The following TUBG1 variants were observed in gnomAD, a reference collection of about 807,000 sequenced individuals.
TUBG1 encodes tubulin gamma 1.
Under a neutral mutation model 53.3 loss-of-function variants are expected in TUBG1, and 22 were observed. The observed-to-expected ratio is 0.41, with a 90% CI of 0.29 to 0.59. The LOEUF is 0.59. Among genes scored for constraint, TUBG1 ranks in the 20% least tolerant of loss-of-function variants. The pLI, the probability that TUBG1 is intolerant of heterozygous loss-of-function variation, is 0.26. For missense variants in TUBG1, 217 were observed against 598.9 expected, an observed-to-expected ratio of 0.36 and a Z score of 6.66; for synonymous variants, 198 against 236.7, an observed-to-expected ratio of 0.84 and a Z score of 1.50.
intron 4 of TUBG1, 68 bp from the exon 5 acceptor site, chr17:42,612,357 CTA>C: frequency 6.4e-7 from 1 of 1,554,210 alleles, no homozygotes; most frequent in Non-Finnish European, 8.8e-7. Flanking sequence ...TCCTAAAAAA[CTA>C]TGAGATGGGT....
intron 3 of TUBG1, 112 bp from the exon 4 acceptor site, chr17:42,611,963 T>G: frequency 1.1e-6 from 1 of 891,950 alleles, no homozygotes; most frequent in South Asian, 1.5e-5. Flanking sequence ...CAGGTAGCTA[T>G]GCTCCATAAA....
chr17:42,610,727 G>A, intron 3 of TUBG1, 137 bp downstream of exon 3: 1 of 1,287,988 alleles, frequency 7.8e-7, no homozygotes, highest in Non-Finnish European at 1.1e-6. Context: ...AGTGGACTAT[G>A]TAATATTGTC....
At chr17:42,610,745 T>C in intron 3 of TUBG1, 155 bp downstream of exon 3, 2 of 1,059,170 alleles carry the variant, frequency 1.9e-6, no homozygotes, top group Admixed American at 5.5e-5. Flanking sequence ...GTCAAGCGCC[T>C]ACACTAGCTA....
In TUBG1 at chr17:42,613,944, C is replaced by A. The variant is rs1441154716; in HGVS notation, c.789C>A (p.Thr263=). Residue 263 remains threonine, a synonymous_variant, in exon 8 of 11, where the codon ACC becomes ACA. Transcript: ENST00000251413. The part of the protein sequence containing the change: ...LIGLIASLIP[T]PRLHFLMTGY... ...GCCTCATCGCCTCGCTCATTCCCAC[C>A]CCACGGCTCCACTTCCTCATGACCG... The A allele has an allele frequency of 6.2e-7, 1 of 1,614,096 alleles. No individual in the cohort carries two copies. The highest frequency in any genetic ancestry group is 8.5e-7 in the Non-Finnish European group (1 of 1,180,046).
Position 42,614,689 on chromosome 17 carries a change from G to A in TUBG1, c.1158+32G>A, listed in dbSNP as rs2052063170. On this transcript the variant is annotated intron_variant, in intron 10 of 10. Transcript: ENST00000251413. The surrounding 1 kb of genome is among the most constrained non-coding windows in gnomAD (Gnocchi z 5.1). Reference sequence around the variant, plus strand: ...CTCAAAGTTTGCACCTTTTTTCCCTGAATCAGTTTCCTGACTATACCTCAC... The same window carrying A: ...CTCAAAGTTTGCACCTTTTTTCCCTAAATCAGTTTCCTGACTATACCTCAC... The A allele has an allele frequency of 6.2e-7, 1 of 1,612,238 alleles. No individual in the cohort carries two copies. Among genetic ancestry groups the A allele is most frequent in the Non-Finnish European group, 8.5e-7 (1 of 1,178,854 alleles).
chr17:42,609,705 G>T lies in TUBG1; in HGVS notation c.-33G>T, dbSNP rs1375716161. The stretch of plus-strand genomic sequence containing the variant: ...GCTGGCGTGCGGCGCCGTTGCGGGC[G>T]GGAGCGGCTGCAACGCCGGTGCCTG... On this transcript the variant is annotated 5_prime_UTR_variant, in exon 1 of 11. Coordinates refer to ENST00000251413, the MANE Select transcript of TUBG1 (RefSeq NM_001070.5). The T allele has an allele frequency of 2.6e-6, 4 of 1,541,010 alleles. No homozygotes were observed. The Admixed American group carries it at 8.2e-5, about 32-fold the overall frequency.
rs2052057105 is a variant in TUBG1 at position 42,614,055 on chromosome 17, T to C, written c.843+57T>C. 10 of 1,611,112 alleles carry C rather than the reference T, an allele frequency of 6.2e-6. 1 individual carries two copies. The highest frequency in any genetic ancestry group is 4.4e-5 in the South Asian group (4 of 90,864). On this transcript the variant is annotated intron_variant, in intron 8 of 10. Transcript: ENST00000251413. This position sits in a 1 kb window ranked among gnomAD's most constrained non-coding sequence, Gnocchi z 5.1. ...CCGGCCCTGGGCCCAACAGGCCCTG[T>C]CCTAGCCTTTCTCTCTTCCCCACTG... is the stretch of plus-strand genomic sequence containing the variant.
chr17:42,612,364 A>G (rs765382973), intron 4 of TUBG1, 63 bp from the exon 5 acceptor site: 12 of 1,562,434 alleles, frequency 7.7e-6, no homozygotes, highest in Non-Finnish European at 8.8e-6. Context: ...AAACTATGAG[A>G]TGGGTCTAGT....
chr17:42,611,211 C>G (rs556199075), intron 3 of TUBG1: 1 of 152,378 alleles, frequency 6.6e-6, no homozygotes, highest in Non-Finnish European at 1.5e-5. Flanking sequence ...ACCTCGTGAT[C>G]CACCTGCCTC....
Position 42,609,705 on chromosome 17 carries a change from G to C in TUBG1, c.-33G>C, listed in dbSNP as rs1375716161. 1 of 1,541,128 alleles carries C rather than the reference G, an allele frequency of 6.5e-7. No homozygotes were observed. ...GCTGGCGTGCGGCGCCGTTGCGGGC[G>C]GGAGCGGCTGCAACGCCGGTGCCTG... On this transcript the variant is annotated 5_prime_UTR_variant, in exon 1 of 11. Coordinates refer to ENST00000251413, the MANE Select transcript of TUBG1 (RefSeq NM_001070.5).
rs2052060237 is a variant in TUBG1 at position 42,614,382 on chromosome 17, C to T, written c.966C>T (p.Asn322=). The T allele has an allele frequency of 6.2e-7, 1 of 1,613,876 alleles. No homozygotes were observed. The highest frequency in any genetic ancestry group is 1.7e-5 in the Admixed American group (1 of 59,992). ...QTNHCYIAIL[N]IIQGEVDPTQ... ...ACCACTGCTACATCGCCATCCTCAACATCATCCAGGGAGAGGTGGACCCCA... is the reference window on the plus strand; with the variant it reads ...ACCACTGCTACATCGCCATCCTCAATATCATCCAGGGAGAGGTGGACCCCA... Residue 322 remains asparagine, a synonymous_variant, in exon 9 of 11, where the codon AAC becomes AAT. Transcript: ENST00000251413. This position sits in a 1 kb window ranked among gnomAD's most constrained non-coding sequence, Gnocchi z 5.1.
intron 1 of TUBG1, 73 bp downstream of exon 1, chr17:42,609,859 C>T (rs2052017372): frequency 2.7e-6 from 4 of 1,506,692 alleles, no homozygotes; most frequent in African/African-American, 1.4e-5. Context: ...GGATCCTGGA[C>T]TCCATCTGTC....
Position 42,613,644 on chromosome 17 carries a change from C to G in TUBG1, c.607-3C>G, listed in dbSNP as rs1176358376. 3 of 1,614,124 alleles carry G rather than the reference C, an allele frequency of 1.9e-6. No homozygotes were observed. Among genetic ancestry groups the G allele is most frequent in the Admixed American group, 1.7e-5 (1 of 60,016 alleles). On this transcript the variant is annotated splice_region_variant and splice_polypyrimidine_tract_variant and intron_variant, in intron 6 of 10. Coordinates refer to ENST00000251413, the MANE Select transcript of TUBG1 (RefSeq NM_001070.5). ...GATCTGTGATCCTCTTCTGTCCCCC[C>G]AGGTGGTGCTGGACAACACAGCCCT...
chr17:42,614,417 G>A lies in TUBG1; in HGVS notation c.996+5G>A, dbSNP rs1349765931. 6.2e-7 allele frequency: 1 copy of A among 1,614,044 alleles called. No individual in the cohort carries two copies. Among genetic ancestry groups the A allele is most frequent in the East Asian group, 2.2e-5 (1 of 44,886 alleles). On this transcript the variant is annotated splice_donor_5th_base_variant and intron_variant, in intron 9 of 10. Transcript: ENST00000251413. This position sits in a 1 kb window ranked among gnomAD's most constrained non-coding sequence, Gnocchi z 5.1. ...GGAGAGGTGGACCCCACCCAGGTAG[G>A]GGAGGCCCCTTCATCCCACACCCTG...
chr17:42,610,287 G>C, intron 2 of TUBG1, 67 bp downstream of exon 2: 1 of 1,609,786 alleles, frequency 6.2e-7, no homozygotes, highest in Non-Finnish European at 8.5e-7. Flanking sequence ...GAGTGGCCTG[G>C]TACTGGGAAC....
rs769010902 is a variant in TUBG1, at chr17:42,614,037, T to C, written c.843+39T>C. Reference sequence around the variant, plus strand: ...TCAGTGTCCCAGGCCAGGCCGGCCCTGGGCCCAACAGGCCCTGTCCTAGCC... The same window carrying C: ...TCAGTGTCCCAGGCCAGGCCGGCCCCGGGCCCAACAGGCCCTGTCCTAGCC... On this transcript the variant is annotated intron_variant, in intron 8 of 10. Coordinates refer to ENST00000251413, the MANE Select transcript of TUBG1 (RefSeq NM_001070.5). The surrounding 1 kb of genome is among the most constrained non-coding windows in gnomAD (Gnocchi z 5.1). 6.2e-7 allele frequency: 1 copy of C among 1,613,898 alleles called. No individual in the cohort carries two copies. Among genetic ancestry groups the C allele is most frequent in the South Asian group, 1.1e-5 (1 of 91,040 alleles).
chr17:42,610,749 C>CTGCAT, intron 3 of TUBG1, 159 bp downstream of exon 3: 15 of 1,007,708 alleles, frequency 1.5e-5, no homozygotes, highest in African/African-American at 3.3e-5. Flanking sequence ...AGCGCCTACA[C>CTGCAT]TAGCTAATGC....
chr17:42,612,735 G>A (rs1443569266), intron 5 of TUBG1, among the ~76,000 whole-genome samples: 1 of 152,094 alleles, frequency 6.6e-6, no homozygotes, highest in Non-Finnish European at 1.5e-5. Flanking sequence ...AGTGTGGCCA[G>A]GTCTCAATTT....
At chr17:42,609,929 C>A (rs1432688639) in intron 1 of TUBG1, 143 bp downstream of exon 1, 5 of 1,359,486 alleles carry the variant, frequency 3.7e-6, no homozygotes, top group Non-Finnish European at 5.0e-6. Context: ...TCCACTTGCC[C>A]AACCCCGAGG....
Sources: gnomAD v4.1 joint callset for allele counts (sites outside exome capture counted in the v4.1 genomes callset) on GRCh38, gnomAD v4.1.1 for gene constraint, Gnocchi (gnomAD v3.1) non-coding constraint, MANE v1.5 for transcripts, NCBI Gene and HGNC (gene_info 2026-07-23, HGNC 2026-07-21) for gene names.